Variants in LRRK2 observed in about 807,000 individuals in gnomAD.
The protein encoded by LRRK2 is leucine rich repeat kinase 2.
A neutral mutation model predicts 302.6 loss-of-function variants in LRRK2; 203 were observed. The observed-to-expected ratio is 0.67, with a 90% confidence interval of 0.60 to 0.75. LRRK2 has a LOEUF of 0.75. Among genes scored for constraint, LRRK2 ranks in the 30% least tolerant of loss-of-function variants. LRRK2 has a pLI of 0.00. For synonymous variants in LRRK2, 1,066 were observed against 1,031.9 expected (o/e 1.03, Z -0.63); for missense variants, 2,830 against 2,951.0 (o/e 0.96, Z 0.95).
chr12:40,253,530 C>T (rs1304244050), intron 11 of LRRK2, among the ~76,000 whole-genome samples: 1 of 152,128 alleles, frequency 6.6e-6, no homozygotes, highest in Admixed American at 6.5e-5. Flanking sequence ...GGACTACAGG[C>T]ATGCACTGCC....
intron 12 of LRRK2, among the ~76,000 whole-genome samples, chr12:40,258,603 C>A (rs903847638): frequency 6.6e-6 from 1 of 152,056 alleles, no homozygotes; most frequent in Admixed American, 6.6e-5. Context: ...GTGTGTCTGC[C>A]CCTACAGAAC....
intron 50 of LRRK2, 96 bp from the exon 51 acceptor site, chr12:40,367,548 C>A: frequency 8.5e-7 from 1 of 1,181,212 alleles, no homozygotes; most frequent in Non-Finnish European, 1.2e-6. Context: ...TTACATTTAT[C>A]TAAGTCAACT....
At chr12:40,231,578 A>AAAAAAAAAAAAAAAAAC (rs1941193856) in intron 2 of LRRK2, among the ~76,000 whole-genome samples, 1 of 115,508 alleles carries the variant, frequency 8.7e-6, no homozygotes, top group Non-Finnish European at 2.0e-5. Context: ...AACAAAACCA[A>AAAAAAAAAAAAAAAAAC]AAAAAAAAAA....
chr12:40,236,914 T>G (rs554675076), intron 4 of LRRK2, among the ~76,000 whole-genome samples: 33 of 152,166 alleles, frequency 2.2e-4, no homozygotes, highest in South Asian at 1.2e-3. Context: ...AGATGAGGGT[T>G]TATTAATATG....
intron 47 of LRRK2, among the ~76,000 whole-genome samples, chr12:40,363,162 C>T (rs1218088691): frequency 6.6e-6 from 1 of 151,924 alleles, no homozygotes; most frequent in Non-Finnish European, 1.5e-5. Flanking sequence ...TGGACATAAT[C>T]TTTATTTTAT....
intron 43 of LRRK2, 25 bp downstream of exon 43, chr12:40,348,534 T>A: frequency 6.7e-7 from 1 of 1,483,160 alleles, no homozygotes; most frequent in Non-Finnish European, 9.4e-7. Context: ...TTGTTAATAT[T>A]TTGTACAGAA....
At chr12:40,259,332 G>C in intron 12 of LRRK2, 148 bp from the exon 13 acceptor site, 1 of 888,880 alleles carries the variant, frequency 1.1e-6, no homozygotes, top group Non-Finnish European at 1.8e-6. Context: ...AATTATGTAT[G>C]CTCATACTAC....
chr12:40,322,586 A>G (rs1945436879), intron 37 of LRRK2, 76 bp downstream of exon 37: 4 of 1,326,798 alleles, frequency 3.0e-6, no homozygotes, highest in Non-Finnish European at 3.2e-6. Context: ...ATAAATGTAA[A>G]TATTCTTATC....
chr12:40,228,608 T>A (rs1941025857), intron 2 of LRRK2, among the ~76,000 whole-genome samples: 2 of 152,106 alleles, frequency 1.3e-5, no homozygotes, highest in East Asian at 1.9e-4. Context: ...CTTGATATAA[T>A]CCCATTTGCC....
At chr12:40,306,771 C>T (rs1944840572) in intron 28 of LRRK2, among the ~76,000 whole-genome samples, 1 of 152,162 alleles carries the variant, frequency 6.6e-6, no homozygotes, top group Non-Finnish European at 1.5e-5. Context: ...TTTATACTTA[C>T]TCATTCTCTT....
At chr12:40,262,279 TTA>T (rs1437542841) in intron 13 of LRRK2, among the ~76,000 whole-genome samples, 1 of 152,130 alleles carries the variant, frequency 6.6e-6, no homozygotes, top group Admixed American at 6.6e-5. Flanking sequence ...TTGAAGTATT[TTA>T]AGTATATTAT....
At chr12:40,301,207 G>A (rs774320448) in intron 25 of LRRK2, 2 of 432,254 alleles carry the variant, frequency 4.6e-6, no homozygotes, top group Non-Finnish European at 9.3e-6. Flanking sequence ...ATCTGAGCAG[G>A]ACCACTAACC....
chr12:40,310,410 G>A, intron 30 of LRRK2, 21 bp from the exon 31 acceptor site: 1 of 1,610,098 alleles, frequency 6.2e-7, no homozygotes. Context: ...ACACAAGAGG[G>A]TTTTGTGTCT....
chr12:40,283,904 G>A lies in LRRK2; in HGVS notation c.2271G>A (p.Leu757=), dbSNP rs200848928. The change falls in exon 19 of 51, where the codon TTG becomes TTA. Residue 757 remains leucine (L), a synonymous_variant. Transcript: ENST00000298910. ...QVCEKESSPK[L]VELLLNSGSR... The stretch of plus-strand genomic sequence containing the variant: ...GTGAGAAAGAGAGCAGTCCCAAATT[G>A]GTGGAACTCTTACTGAATAGTGGAT... 1.9e-5 allele frequency: 31 copies of A among 1,613,206 alleles called. No individual in the cohort carries two copies. Among genetic ancestry groups the A allele is most frequent in the South Asian group, 1.5e-4 (14 of 90,942 alleles).
chr12:40,305,985 A>C lies in LRRK2; in HGVS notation c.3959+19A>C. ...TCATAAGGTTAGATAATTTTTTTCT[A>C]TTTGGTTTTACTAAATTTATTTCAG... On this transcript the variant is annotated intron_variant, in intron 28 of 50. Transcript: ENST00000298910. The C allele has an allele frequency of 6.3e-7, 1 of 1,578,670 alleles. No individual in the cohort carries two copies. Among genetic ancestry groups the C allele is most frequent in the Non-Finnish European group, 8.7e-7 (1 of 1,153,272 alleles).
chr12:40,367,033 T>G lies in LRRK2; in HGVS notation c.7418T>G (p.Leu2473Trp). The change falls in exon 50 of 51, where the codon TTG (leucine) becomes TGG (tryptophan). Residue 2473 changes from leucine to tryptophan, a missense_variant. Transcript: ENST00000298910. ...AGCCTTAAAAATGTCATGCTGGTAT[T>G]GGGCTACAACCGGAAAAATACTGAA... ...LGSLKNVMLV[L>W]GYNRKNTEGT... The G allele has an allele frequency of 6.2e-7, 1 of 1,609,824 alleles. No homozygotes were observed. Among genetic ancestry groups the G allele is most frequent in the Admixed American group, 1.7e-5 (1 of 59,710 alleles).
In LRRK2 at chr12:40,323,179, A is replaced by G; in HGVS notation, c.5529A>G (p.Pro1843=). The part of the protein sequence containing the change: ...KAEEGDLLVN[P]DQPRLTIPIS... ...TCTCAGGAGATCTCTTAGTAAATCCAGATCAACCAAGGCTCACCATTCCAA... is the reference window on the plus strand; with the variant it reads ...TCTCAGGAGATCTCTTAGTAAATCCGGATCAACCAAGGCTCACCATTCCAA... The change falls in exon 38 of 51, where the codon CCA becomes CCG. Residue 1843 remains proline, a synonymous_variant. Transcript: ENST00000298910. 1.2e-6 allele frequency: 2 copies of G among 1,613,264 alleles called. No individual in the cohort carries two copies. Among genetic ancestry groups the G allele is most frequent in the Admixed American group, 1.7e-5 (1 of 60,002 alleles).
At chr12:40,335,202 A>T in intron 40 of LRRK2, 45 bp downstream of exon 40, 1 of 1,595,694 alleles carries the variant, frequency 6.3e-7, no homozygotes. Flanking sequence ...GACAAGTGTG[A>T]TCCAGACTTG....
At chr12:40,282,971 G>T (rs1284710180) in intron 18 of LRRK2, among the ~76,000 whole-genome samples, 1 of 152,000 alleles carries the variant, frequency 6.6e-6, no homozygotes, top group Non-Finnish European at 1.5e-5. Context: ...AGCTGTAAGG[G>T]ACAAATTATA....
Sources: allele counts gnomAD v4.1 joint callset (sites outside exome capture counted in the v4.1 genomes callset), GRCh38; gene constraint gnomAD v4.1.1; transcripts MANE v1.5; gene names NCBI Gene and HGNC (gene_info 2026-07-23, HGNC 2026-07-21).